Variants in HPSE2 observed in about 807,000 individuals in gnomAD.
HPSE2 encodes heparanase 2 (inactive).
HPSE2 carries 38 observed loss-of-function variants against 60.5 expected under a neutral mutation model. That is an observed-to-expected ratio of 0.63 (90% CI 0.48 to 0.82). HPSE2 has a LOEUF of 0.82. Ranked by LOEUF, HPSE2 falls within the 40% of genes least tolerant of loss-of-function variation. HPSE2 has a pLI of 0.00. For synonymous variants in HPSE2, 295 were observed against 293.2 expected (o/e 1.01, Z -0.06); for missense variants, 713 against 740.4 (o/e 0.96, Z 0.43).
intron 9 of HPSE2, among the ~76,000 whole-genome samples, chr10:98,538,173 C>T (rs371813313): frequency 6.6e-6 from 1 of 152,134 alleles, no homozygotes; most frequent in Non-Finnish European, 1.5e-5. Context: ...CCGGTCTCTG[C>T]GTCTTGATGG....
At chr10:98,714,404 C>CT (rs1312362137) in intron 5 of HPSE2, among the ~76,000 whole-genome samples, 1 of 151,892 alleles carries the variant, frequency 6.6e-6, no homozygotes, top group Non-Finnish European at 1.5e-5. Flanking sequence ...AACTACTAAA[C>CT]TATGTTTTGT....
the HPSE2 span, among the ~76,000 whole-genome samples, chr10:99,248,063 A>G: frequency 6.6e-6 from 1 of 152,224 alleles, no homozygotes; most frequent in Admixed American, 6.5e-5. Context: ...TGTGAAAATG[A>G]CTAATACAGA....
intron 2 of HPSE2, among the ~76,000 whole-genome samples, chr10:99,195,234 A>T (rs1395109132): frequency 6.6e-6 from 1 of 152,130 alleles, no homozygotes; most frequent in African/African-American, 2.4e-5. Flanking sequence ...CCTTAACACA[A>T]TAAAAGCCAT....
rs577217764 is a variant in HPSE2, at chr10:99,007,168, G to A, written c.610+137070C>T. The stretch of plus-strand genomic sequence containing the variant: ...GGGTAGCACATAGAACAAGTCCTCC[G>A]GGTAGACCTGGAGTGTAGAGCTTCA... On this transcript the variant is annotated intron_variant, in intron 3 of 11. Transcript: ENST00000370552. Among the ~76,000 whole-genome samples the A allele has an allele frequency of 3.9e-5, 6 of 152,246 alleles. No individual in the cohort carries two copies. The South Asian group carries it at 1.2e-3, about 32-fold the overall frequency.
At chr10:98,797,677 A>C (rs1950808181) in intron 3 of HPSE2, among the ~76,000 whole-genome samples, 1 of 151,966 alleles carries the variant, frequency 6.6e-6, no homozygotes, top group Admixed American at 6.6e-5. Context: ...CCCCGTCTCT[A>C]CTAAAAAATA....
chr10:98,906,411 G>A (rs1953817587), intron 3 of HPSE2, among the ~76,000 whole-genome samples: 1 of 151,272 alleles, frequency 6.6e-6, no homozygotes, highest in Non-Finnish European at 1.5e-5. Context: ...AATAGATCAG[G>A]TTCTTGCTTG....
intron 10 of HPSE2, among the ~76,000 whole-genome samples, chr10:98,484,248 T>C (rs1941356129): frequency 1.3e-5 from 2 of 151,836 alleles, no homozygotes; most frequent in African/African-American, 4.8e-5. Flanking sequence ...CTTTCTTCCT[T>C]CCTTCCTTTC....
chr10:98,858,929 G>A (rs1952383439), intron 3 of HPSE2, among the ~76,000 whole-genome samples: 1 of 151,836 alleles, frequency 6.6e-6, no homozygotes, highest in Admixed American at 6.6e-5. Context: ...TGTTTTTTTT[G>A]TTTGTTTTTC....
At chr10:99,295,245 G>A in the HPSE2 span, among the ~76,000 whole-genome samples, 11 of 152,012 alleles carry the variant, frequency 7.2e-5, no homozygotes, top group Non-Finnish European at 1.2e-4. Context: ...AGAAATTGAC[G>A]TACCCAAATT....
rs113584655 is a variant in HPSE2, at chr10:98,592,793, T to C, written c.1320+22111A>G. Among the ~76,000 whole-genome samples the C allele has an allele frequency of 4.3e-3, 656 of 152,324 alleles. 3 individuals are homozygous for C. Among genetic ancestry groups the C allele is most frequent in the African/African-American group, 0.015 (632 of 41,578 alleles). On this transcript the variant is annotated intron_variant, in intron 9 of 11. Transcript: ENST00000370552. ...TTCTTGCGTTTTATTTGAGTTGGTATGGAACTCTACCCAGGTGCTTTTCAG... is the reference window on the plus strand; with the variant it reads ...TTCTTGCGTTTTATTTGAGTTGGTACGGAACTCTACCCAGGTGCTTTTCAG...
intron 2 of HPSE2, among the ~76,000 whole-genome samples, chr10:99,190,359 G>A (rs979904084): frequency 5.3e-5 from 8 of 152,214 alleles, no homozygotes; most frequent in Middle Eastern, 3.4e-3. Flanking sequence ...CTATAATACA[G>A]AAATAATGAA....
chr10:99,148,632 A>G (rs1191962116), intron 2 of HPSE2, among the ~76,000 whole-genome samples: 1 of 152,066 alleles, frequency 6.6e-6, no homozygotes, highest in Non-Finnish European at 1.5e-5. Flanking sequence ...CTCTACTAAA[A>G]ACACAAAATT....
intron 3 of HPSE2, among the ~76,000 whole-genome samples, chr10:99,103,212 A>G (rs1844086942): frequency 6.6e-6 from 1 of 152,198 alleles, no homozygotes; most frequent in African/African-American, 2.4e-5. Flanking sequence ...TGCAGATGAC[A>G]TGATTGTATA....
chr10:99,244,652 C>T, the HPSE2 span, among the ~76,000 whole-genome samples: 1 of 134,598 alleles, frequency 7.4e-6, no homozygotes, highest in African/African-American at 2.8e-5. Flanking sequence ...CTAGAGCAAT[C>T]CTCCCACCTT....
At chr10:98,957,373 C>T (rs997809086) in intron 3 of HPSE2, among the ~76,000 whole-genome samples, 5 of 152,156 alleles carry the variant, frequency 3.3e-5, no homozygotes, top group African/African-American at 9.7e-5. Context: ...TCAGCTCCCT[C>T]GGCCTTCAGG....
the HPSE2 span, among the ~76,000 whole-genome samples, chr10:99,305,977 G>GCACACACA: frequency 3.8e-3 from 204 of 53,706 alleles, no homozygotes; most frequent in South Asian, 0.023. Context: ...GCGCGCGCGC[G>GCACACACA]CGCACACACA....
intron 3 of HPSE2, among the ~76,000 whole-genome samples, chr10:99,143,796 A>G (rs941893339): frequency 2.0e-5 from 3 of 152,160 alleles, no homozygotes; most frequent in Admixed American, 6.5e-5. Context: ...AAGAAAATCA[A>G]ATTCCCCAGA....
chr10:99,014,413 C>T (rs1270691477), intron 3 of HPSE2, among the ~76,000 whole-genome samples: 2 of 152,104 alleles, frequency 1.3e-5, no homozygotes, highest in African/African-American at 4.8e-5. Context: ...TTGCAATGAA[C>T]ATGTGCATGC....
rs544388001 is a variant in HPSE2, at chr10:98,659,050, C to A, written c.1005-17110G>T. Among the ~76,000 whole-genome samples, 146 of 152,012 alleles carry A rather than the reference C, an allele frequency of 9.6e-4. 1 individual carries two copies. In the Middle Eastern group the frequency reaches 0.014, roughly 14 times the overall value. On this transcript the variant is annotated intron_variant, in intron 6 of 11. Transcript: ENST00000370552. Reference sequence around the variant, plus strand: ...ATCTAGTTCCAAAATATTTTCATTACCCTAAAAGGAAATCCTATATCCATT... The same window carrying A: ...ATCTAGTTCCAAAATATTTTCATTAACCTAAAAGGAAATCCTATATCCATT...
Sources: allele counts gnomAD v4.1 joint callset (sites outside exome capture counted in the v4.1 genomes callset), GRCh38; gene constraint gnomAD v4.1.1; transcripts MANE v1.5; gene names NCBI Gene and HGNC (gene_info 2026-07-23, HGNC 2026-07-21).